The following TRMT112 variants were observed in gnomAD, a reference collection of about 807,000 sequenced individuals.
TRMT112 encodes the protein multifunctional methyltransferase subunit TRM112-like protein.
A neutral mutation model predicts 13.8 loss-of-function variants in TRMT112; 9 were observed. That is an observed-to-expected ratio of 0.65 (90% CI 0.39 to 1.14). TRMT112 has a LOEUF of 1.14. TRMT112 is among the 50% of genes most tolerant of loss of function. The pLI, the probability that TRMT112 is intolerant of heterozygous loss-of-function variation, is 0.01. For missense variants in TRMT112, 196 were observed against 165.5 expected (o/e 1.18, Z -1.01); for synonymous variants, 64 against 67.0 (o/e 0.96, Z 0.22).
upstream of TRMT112, chr11:64,317,591 G>C (rs4930698): frequency 0.062 from 89,309 of 1,449,462 alleles, 3,301 homozygotes; most frequent in Admixed American, 0.13. Context: ...CCTCACTTCC[G>C]GGGATGCTCC....
chr11:64,317,723 C>T, upstream of TRMT112: 1 of 747,442 alleles, frequency 1.3e-6, no homozygotes, highest in Non-Finnish European at 2.1e-6. Context: ...CTACCGGAAG[C>T]GTCTCAGCAG....
upstream of TRMT112, chr11:64,317,844 C>T: frequency 1.0e-6 from 1 of 956,398 alleles, no homozygotes; most frequent in South Asian, 2.1e-5. Flanking sequence ...GCAAAATAAA[C>T]ACATTTTACT....
chr11:64,316,800 A>C lies in TRMT112; in HGVS notation c.*61T>G. 1 of 1,167,682 alleles carries C rather than the reference A, an allele frequency of 8.6e-7. No homozygotes were observed. Among genetic ancestry groups the C allele is most frequent in the South Asian group, 1.2e-5 (1 of 81,586 alleles). 72.3% of individuals were successfully genotyped at this position (1,167,682 alleles called of 1,614,324 possible). A position where few individuals can be genotyped will look rare whatever the true frequency, so the allele number is the denominator to read the frequency against. On this transcript the variant is annotated 3_prime_UTR_variant, in exon 4 of 4. Transcript: ENST00000544844. ...GGGGATACACACGGCAGAATTCGGA[A>C]ACAGGGTATAGATCAACAAAAATAC...
upstream of TRMT112, among the ~76,000 whole-genome samples, chr11:64,318,574 G>C (rs557766012): frequency 5.3e-5 from 8 of 152,168 alleles, no homozygotes; most frequent in East Asian, 1.6e-3. Flanking sequence ...CTCACCTCCC[G>C]GGACAGTCCC....
At chr11:64,318,040 T>A, upstream of TRMT112, 1 of 1,433,332 alleles carries the variant, frequency 7.0e-7, no homozygotes, top group South Asian at 1.5e-5. Flanking sequence ...CAGCACCCAG[T>A]GCAAACGAGG....
At chr11:64,318,560 G>C (rs992216089), upstream of TRMT112, among the ~76,000 whole-genome samples, 16 of 152,096 alleles carry the variant, frequency 1.1e-4, no homozygotes, top group Admixed American at 7.2e-4. Flanking sequence ...CCAATCGTGG[G>C]GGCCTCACCT....
chr11:64,316,696 G>A lies in TRMT112; in HGVS notation c.*165C>T. 2 of 616,530 alleles carry A rather than the reference G, an allele frequency of 3.2e-6. No homozygotes were observed. The highest frequency in any genetic ancestry group is 2.9e-6 in the Non-Finnish European group (1 of 340,576). The allele number at this position is 616,530 out of a possible 1,614,324, so 38.2% of individuals were successfully genotyped here. A position where few individuals can be genotyped will look rare whatever the true frequency, so the allele number is the denominator to read the frequency against. On this transcript the variant is annotated 3_prime_UTR_variant, in exon 4 of 4. Transcript: ENST00000544844. The stretch of plus-strand genomic sequence containing the variant: ...TTGCTGCAAAGAGAAACCGCTTTTG[G>A]TTTTAAACCTTTAATGAGAAAAAAA...
chr11:64,317,528 T>G lies in TRMT112; in HGVS notation c.-2A>C. The G allele has an allele frequency of 3.2e-6, 5 of 1,563,690 alleles. No individual in the cohort carries two copies. The highest frequency in any genetic ancestry group is 4.4e-6 in the Non-Finnish European group (5 of 1,148,960). ...CAGATTGTGGGTAAGCAGTTTCATG[T>G]CGCCGCACAAACTCTCGCCAGGCCG... is the stretch of plus-strand genomic sequence containing the variant. On this transcript the variant is annotated 5_prime_UTR_variant, in exon 1 of 4. Coordinates refer to ENST00000544844, the MANE Select transcript of TRMT112 (RefSeq NM_016404.3).
At chr11:64,317,827 G>T, upstream of TRMT112, 1 of 868,066 alleles carries the variant, frequency 1.2e-6, no homozygotes, top group Non-Finnish European at 1.6e-6. Flanking sequence ...AGGAGCTCTC[G>T]TTGAATGCAA....
At chr11:64,318,057 T>A (rs1474043408), upstream of TRMT112, 66 of 1,436,954 alleles carry the variant, frequency 4.6e-5, no homozygotes, top group Middle Eastern at 5.1e-4. Context: ...GAGGCGTGGG[T>A]CCCGGAAGCT....
rs2035305426 is a variant in TRMT112 at position 64,317,121 on chromosome 11, C to A, written c.207G>T (p.Gly69=). 1 of 1,614,054 alleles carries A rather than the reference C, an allele frequency of 6.2e-7. No individual in the cohort carries two copies. The part of the protein sequence containing the change: ...DNLRLIQVPK[G]PVEGYEENEE... ...CATTCTCCTCATATCCCTCAACCGG[C>A]CCTTTCGGCACCTGGATCAGACGCA... is the stretch of plus-strand genomic sequence containing the variant. Residue 69 remains glycine (G), a synonymous_variant, in exon 3 of 4, where the codon GGG becomes GGT. Transcript: ENST00000544844.
rs1003549748 is a variant in TRMT112 at position 64,317,152 on chromosome 11, G to A, written c.181-5C>T. The A allele has an allele frequency of 2.5e-6, 4 of 1,614,096 alleles. No homozygotes were observed. Among genetic ancestry groups the A allele is most frequent in the East Asian group, 4.5e-5 (2 of 44,884 alleles). On this transcript the variant is annotated splice_polypyrimidine_tract_variant and splice_region_variant and intron_variant, in intron 2 of 3. Transcript: ENST00000544844. ...CGGCACCTGGATCAGACGCAACTGT[G>A]GGCAAGAGGCCAAAATTATCTCCGG...
chr11:64,317,808 C>A (rs200065720), upstream of TRMT112: 1,273 of 791,488 alleles, frequency 1.6e-3, 14 homozygotes, highest in South Asian at 0.022. Context: ...TGCAAAATAG[C>A]TGCAATGCAG....
In TRMT112 at chr11:64,317,485, C is replaced by T. The variant is rs375653671; in HGVS notation, c.42G>A (p.Arg14=). 1.9e-6 allele frequency: 3 copies of T among 1,606,362 alleles called. No individual in the cohort carries two copies. Among genetic ancestry groups the T allele is most frequent in the East Asian group, 2.2e-5 (1 of 44,584 alleles). ...GGGGGAAGCCACGGGACCCCACCCCCCGCACATGCGAGCTCAGCAGATTGT... is the reference window on the plus strand; with the variant it reads ...GGGGGAAGCCACGGGACCCCACCCCTCGCACATGCGAGCTCAGCAGATTGT... ...LTHNLLSSHV[R]GVGSRGFPLR... The change falls in exon 1 of 4, where the codon CGG becomes CGA. Residue 14 remains arginine (R), a synonymous_variant. Transcript: ENST00000544844.
chr11:64,318,513 C>A, upstream of TRMT112: 2 of 1,294,434 alleles, frequency 1.5e-6, no homozygotes, highest in Non-Finnish European at 2.1e-6. Context: ...CCCGGCTCAT[C>A]CCTTCAGAAG....
chr11:64,318,335 T>C, upstream of TRMT112: 1 of 1,612,428 alleles, frequency 6.2e-7, no homozygotes, highest in Non-Finnish European at 8.5e-7. Context: ...AGTGGGCGTC[T>C]GGCGGGGTCC....
chr11:64,318,144 G>T (rs994310512), upstream of TRMT112: 47 of 1,589,112 alleles, frequency 3.0e-5, no homozygotes, highest in Non-Finnish European at 3.6e-5. Context: ...TCGCCGCTGT[G>T]CCGCTAGCGG....
upstream of TRMT112, chr11:64,318,183 A>T: frequency 6.2e-7 from 1 of 1,609,700 alleles, no homozygotes; most frequent in Non-Finnish European, 8.5e-7. Flanking sequence ...GGCACCAGCC[A>T]GGAGGCGGAG....
In TRMT112 at chr11:64,317,484, C is replaced by A. The variant is rs751041580; in HGVS notation, c.43G>T (p.Gly15Trp). ...AGGGGGAAGCCACGGGACCCCACCC[C>A]CCGCACATGCGAGCTCAGCAGATTG... ...THNLLSSHVRGVGSRGFPLRL... is the reference protein window; with the variant it reads ...THNLLSSHVRWVGSRGFPLRL... The change falls in exon 1 of 4, where the codon GGG becomes TGG. Residue 15 changes from glycine to tryptophan, a missense_variant. Coordinates refer to ENST00000544844, the MANE Select transcript of TRMT112 (RefSeq NM_016404.3). 1.2e-6 allele frequency: 2 copies of A among 1,606,408 alleles called. No homozygotes were observed. Among genetic ancestry groups the A allele is most frequent in the Non-Finnish European group, 8.5e-7 (1 of 1,175,796 alleles).
Sources: gnomAD v4.1 joint callset for allele counts (sites outside exome capture counted in the v4.1 genomes callset) on GRCh38, gnomAD v4.1.1 for gene constraint, MANE v1.5 for transcripts, NCBI Gene and HGNC (gene_info 2026-07-23, HGNC 2026-07-21) for gene names.